CCDC32: variants seen among roughly 807,000 people sequenced by gnomAD.
The protein encoded by CCDC32 is coiled-coil domain containing 32.
A neutral mutation model predicts 20.1 loss-of-function variants in CCDC32; 9 were observed. The observed-to-expected ratio is 0.45, with a 90% confidence interval of 0.27 to 0.78. The LOEUF (loss-of-function observed/expected upper bound fraction) is 0.78, where lower values mean the gene tolerates loss of function less well. CCDC32 is among the 30% of genes least tolerant of loss of function. The pLI is 0.16. For missense variants in CCDC32, 204 were observed against 215.5 expected (o/e 0.95, Z 0.33); for synonymous variants, 63 against 79.0 (o/e 0.80, Z 1.07).
chr15:40,553,677 T>C lies in CCDC32; in HGVS notation c.*294A>G. On this transcript the variant is annotated 3_prime_UTR_variant, in exon 4 of 4. Coordinates refer to ENST00000416810, the MANE Select transcript of CCDC32 (RefSeq NM_001080792.4). ...GACTTCTAACCTGCAGAGACAGAGC[T>C]CAGCCAAGCTGTGAGACACAGAGGA... is the stretch of plus-strand genomic sequence containing the variant. 8.5e-7 allele frequency: 1 copy of C among 1,179,530 alleles called. No individual in the cohort carries two copies. The highest frequency in any genetic ancestry group is 1.0e-6 in the Non-Finnish European group (1 of 955,536). The allele number at this position is 1,179,530 out of a possible 1,614,324, so 73.1% of individuals were successfully genotyped here.
intron 2 of CCDC32, among the ~76,000 whole-genome samples, chr15:40,558,560 G>C (rs1001853676): frequency 6.6e-6 from 1 of 152,034 alleles, no homozygotes; most frequent in African/African-American, 2.4e-5. Context: ...GGCCGGAAAA[G>C]GTCTTCCTCT....
intron 3 of CCDC32, among the ~76,000 whole-genome samples, chr15:40,543,814 C>T (rs1293879428): frequency 6.6e-6 from 1 of 152,136 alleles, no homozygotes; most frequent in African/African-American, 2.4e-5. Context: ...TTTGCATAGA[C>T]CTGCTCACTG....
At position 40,553,961 on chromosome 15, in the gene CCDC32, T is replaced by C; in HGVS notation, c.*10A>G. 6.8e-7 allele frequency: 1 copy of C among 1,471,020 alleles called. No homozygotes were observed. 91.1% of individuals were successfully genotyped at this position (1,471,020 alleles called of 1,614,324 possible). ...GTGTGTGTGTGTGTGTGTGTGTGTG[T>C]GTGTGTAATTTACTGTTCTGCTGCT... On this transcript the variant is annotated 3_prime_UTR_variant, in exon 4 of 4. Coordinates refer to ENST00000416810, the MANE Select transcript of CCDC32 (RefSeq NM_001080792.4).
chr15:40,539,135 T>G (rs531633043), downstream of CCDC32: 2 of 915,812 alleles, frequency 2.2e-6, no homozygotes, highest in African/African-American at 3.3e-5. Flanking sequence ...CAGAGGGAAG[T>G]AGTTGTTGCT....
downstream of CCDC32, among the ~76,000 whole-genome samples, chr15:40,549,020 T>C (rs75529743): frequency 0.018 from 2,696 of 152,202 alleles, 27 homozygotes; most frequent in Admixed American, 0.026. Flanking sequence ...AAAATTGAAG[T>C]AGAAAATAAA....
chr15:40,554,128 C>CTATGA lies in CCDC32; in HGVS notation c.402-6_402-2dup. On this transcript the variant is annotated splice_acceptor_variant, in intron 3 of 3. Coordinates refer to ENST00000416810, the MANE Select transcript of CCDC32 (RefSeq NM_001080792.4). LOFTEE classifies it high-confidence loss of function. ...CCACCTCTTGAAATGTTCCAAGGTG[C>CTATGA]TATGAAAGGGCAGAATAAAAGGGTG... The CTATGA allele has an allele frequency of 6.2e-7, 1 of 1,611,202 alleles. No homozygotes were observed. The highest frequency in any genetic ancestry group is 8.5e-7 in the Non-Finnish European group (1 of 1,178,002).
intron 1 of CCDC32, chr15:40,564,683 C>T (rs1468445626): frequency 6.3e-7 from 1 of 1,592,660 alleles, no homozygotes; most frequent in Non-Finnish European, 8.6e-7. Context: ...ACACGGCGGT[C>T]CTGGGTGAAC....
At chr15:40,526,890 C>T (rs562463005), downstream of CCDC32, among the ~76,000 whole-genome samples, 11 of 152,122 alleles carry the variant, frequency 7.2e-5, no homozygotes, top group South Asian at 1.9e-3. Flanking sequence ...GGTGATAAAG[C>T]GAGACTCTGA....
At chr15:40,524,250 A>G (rs537914137), downstream of CCDC32, among the ~76,000 whole-genome samples, 1 of 134,608 alleles carries the variant, frequency 7.4e-6, no homozygotes, top group Admixed American at 9.5e-5. Flanking sequence ...CCAGCCTCCC[A>G]GGTTGACGCC....
intron 2 of CCDC32, chr15:40,562,228 AAC>A (rs1206292744): frequency 6.6e-6 from 1 of 152,426 alleles, no homozygotes; most frequent in Non-Finnish European, 1.5e-5. Context: ...CAAGAAATCA[AAC>A]ACAGAATTTA....
intron 3 of CCDC32, among the ~76,000 whole-genome samples, chr15:40,555,552 G>T (rs867764594): frequency 6.6e-6 from 1 of 152,136 alleles, no homozygotes; most frequent in Non-Finnish European, 1.5e-5. Context: ...ACTTAATTAG[G>T]TTGGACCTTT....
chr15:40,544,098 T>C (rs1889513973), intron 3 of CCDC32, among the ~76,000 whole-genome samples: 1 of 152,164 alleles, frequency 6.6e-6, no homozygotes, highest in Non-Finnish European at 1.5e-5. Context: ...ATGGTTCTGG[T>C]GGGACTGTTT....
At chr15:40,538,906 C>G, downstream of CCDC32, 2 of 356,824 alleles carry the variant, frequency 5.6e-6, no homozygotes, top group Non-Finnish European at 1.1e-5. Context: ...TTAGTACCCA[C>G]CCATGAGCGC....
intron 2 of CCDC32, among the ~76,000 whole-genome samples, chr15:40,560,236 T>C (rs1445845461): frequency 6.6e-6 from 1 of 152,132 alleles, no homozygotes; most frequent in African/African-American, 2.4e-5. Context: ...TCTCGATCTC[T>C]TGACCTTGTG....
At chr15:40,521,840 T>A in the CCDC32 span, among the ~76,000 whole-genome samples, 1 of 152,334 alleles carries the variant, frequency 6.6e-6, no homozygotes, top group Admixed American at 6.5e-5. Context: ...TTAAAGTTCT[T>A]CATAAATTCT....
At chr15:40,551,149 G>A (rs1026099678), downstream of CCDC32, among the ~76,000 whole-genome samples, 13 of 152,134 alleles carry the variant, frequency 8.5e-5, no homozygotes, top group African/African-American at 3.1e-4. Context: ...TTGGGAGGCC[G>A]AGGCGGGCGG....
chr15:40,557,000 G>C, intron 3 of CCDC32: 1 of 504,400 alleles, frequency 2.0e-6, no homozygotes, highest in Admixed American at 3.8e-5. Flanking sequence ...GAACATGAGA[G>C]ACTGATTAGT....
chr15:40,559,650 C>T (rs1375934929), intron 2 of CCDC32, among the ~76,000 whole-genome samples: 2 of 152,152 alleles, frequency 1.3e-5, no homozygotes, highest in African/African-American at 4.8e-5. Flanking sequence ...TCCTCCAGTA[C>T]ATCATTAACA....
intron 3 of CCDC32, among the ~76,000 whole-genome samples, chr15:40,545,069 A>G (rs1244306154): frequency 2.6e-5 from 4 of 152,204 alleles, no homozygotes; most frequent in South Asian, 2.1e-4. Context: ...CAGTTTATCA[A>G]TCCAAGAGTT....
Sources: gnomAD v4.1 joint callset for allele counts (sites outside exome capture counted in the v4.1 genomes callset) on GRCh38, gnomAD v4.1.1 for gene constraint, MANE v1.5 for transcripts, NCBI Gene and HGNC (gene_info 2026-07-23, HGNC 2026-07-21) for gene names.